The following SNUPN variants were observed in gnomAD, a reference collection of about 807,000 sequenced individuals.
SNUPN encodes snurportin-1.
Under a neutral mutation model 39.2 loss-of-function variants are expected in SNUPN, and 31 were observed. The observed-to-expected ratio is 0.79, with a 90% CI of 0.59 to 1.07. The LOEUF (loss-of-function observed/expected upper bound fraction) is 1.07, where lower values mean the gene tolerates loss of function less well. SNUPN is among the 50% of genes least tolerant of loss of function. The pLI is 0.00. For synonymous variants in SNUPN, 132 were observed against 159.0 expected, an observed-to-expected ratio of 0.83 and a Z score of 1.28; for missense variants, 382 against 434.2, an observed-to-expected ratio of 0.88 and a Z score of 1.07.
intron 3 of SNUPN, among the ~76,000 whole-genome samples, chr15:75,610,467 T>C (rs1478025087): frequency 1.8e-4 from 27 of 151,150 alleles, no homozygotes; most frequent in Admixed American, 1.6e-3. Flanking sequence ...CCATGTGCTC[T>C]AGGGAGTTGG....
intron 2 of SNUPN, among the ~76,000 whole-genome samples, chr15:75,619,556 C>A (rs890628052): frequency 6.6e-6 from 1 of 151,892 alleles, no homozygotes; most frequent in Non-Finnish European, 1.5e-5. Flanking sequence ...GTGGGAGGAT[C>A]ACCTGAGCCT....
intron 1 of SNUPN, among the ~76,000 whole-genome samples, chr15:75,621,756 C>T (rs1406556648): frequency 2.0e-5 from 3 of 152,028 alleles, no homozygotes; most frequent in South Asian, 2.1e-4. Flanking sequence ...ACCCCAAACT[C>T]GCCAGGCACG....
Position 75,620,960 on chromosome 15 carries a change from T to C in SNUPN, c.92A>G (p.Tyr31Cys), listed in dbSNP as rs761860029. The C allele has an allele frequency of 1.2e-6, 2 of 1,614,148 alleles. No homozygotes were observed. The highest frequency in any genetic ancestry group is 1.7e-6 in the Non-Finnish European group (2 of 1,179,990). ...TAAPHPRLSQ[Y>C]KSKYSSLEQS... The stretch of plus-strand genomic sequence containing the variant: ...CTCCAAGGAACTGTACTTGGACTTG[T>C]ACTGGGATAGGCGGGGGTGTGGGGC... The change falls in exon 2 of 9, where the codon TAC becomes TGC. Residue 31 changes from tyrosine to cysteine, a missense_variant. Physicochemically the swap from Tyr to Cys is radical, Grantham distance 194. Transcript: ENST00000308588.
intron 2 of SNUPN, 50 bp downstream of exon 2, chr15:75,620,844 T>C (rs770546838): frequency 2.6e-6 from 4 of 1,549,890 alleles, no homozygotes; most frequent in Non-Finnish European, 3.5e-6. Flanking sequence ...TCGGAATGGT[T>C]CATAGCTCCT....
chr15:75,624,838 T>C (rs1177539060), intron 1 of SNUPN: 4 of 662,180 alleles, frequency 6.0e-6, no homozygotes, highest in Non-Finnish European at 9.0e-6. Context: ...AGTGGCATGA[T>C]CTCGGCTCAC....
intron 7 of SNUPN, among the ~76,000 whole-genome samples, chr15:75,603,121 T>C (rs1001279218): frequency 2.7e-5 from 4 of 150,660 alleles, no homozygotes; most frequent in African/African-American, 9.8e-5. Context: ...CGATCTCGGC[T>C]AACTGCAAGC....
chr15:75,624,676 G>T, intron 1 of SNUPN: 1 of 1,168,124 alleles, frequency 8.6e-7, no homozygotes, highest in Non-Finnish European at 1.1e-6. Flanking sequence ...AAAAAAAAAA[G>T]AAAAACTGAT....
At chr15:75,613,755 G>T (rs1892860192) in intron 3 of SNUPN, among the ~76,000 whole-genome samples, 1 of 152,124 alleles carries the variant, frequency 6.6e-6, no homozygotes, top group Non-Finnish European at 1.5e-5. Flanking sequence ...CACTAGGATG[G>T]CTATATTTAA....
intron 3 of SNUPN, among the ~76,000 whole-genome samples, chr15:75,613,683 A>G (rs1368370171): frequency 2.0e-5 from 3 of 151,832 alleles, no homozygotes; most frequent in African/African-American, 4.8e-5. Context: ...GATGTTTAAC[A>G]TCATTAGTCA....
intron 3 of SNUPN, among the ~76,000 whole-genome samples, chr15:75,615,127 T>A (rs937260181): frequency 1.3e-5 from 2 of 152,152 alleles, no homozygotes; most frequent in African/African-American, 4.8e-5. Flanking sequence ...TTTTTATTTT[T>A]TATAGAAATG....
chr15:75,617,204 G>C (rs541664691), intron 3 of SNUPN, among the ~76,000 whole-genome samples: 1 of 152,342 alleles, frequency 6.6e-6, no homozygotes, highest in Admixed American at 6.5e-5. Flanking sequence ...TTCCATCAGT[G>C]ATTCCTAGTC....
chr15:75,624,292 C>G (rs755344448), intron 1 of SNUPN, among the ~76,000 whole-genome samples: 17 of 151,448 alleles, frequency 1.1e-4, no homozygotes, highest in Non-Finnish European at 1.9e-4. Flanking sequence ...AAATCCAAAG[C>G]ACCTTTATTA....
intron 7 of SNUPN, among the ~76,000 whole-genome samples, chr15:75,604,334 T>C (rs528958912): frequency 7.9e-5 from 12 of 152,152 alleles, no homozygotes; most frequent in East Asian, 7.7e-4. Flanking sequence ...CTAATTGTTT[T>C]TGTATTTAGT....
chr15:75,600,142 G>A (rs377118528), intron 8 of SNUPN, among the ~76,000 whole-genome samples: 8 of 151,728 alleles, frequency 5.3e-5, no homozygotes, highest in Non-Finnish European at 1.2e-4. Flanking sequence ...CACTGTGCCC[G>A]GCCAAGGCAG....
rs1335627335 is a variant in SNUPN at position 75,604,534 on chromosome 15, T to C, written c.678+616A>G. Reference sequence around the variant, plus strand: ...CAGGGCTAATAAAATGCCCTGAAAATAGCTGTCACATATTTAAATCACTGA... The same window carrying C: ...CAGGGCTAATAAAATGCCCTGAAAACAGCTGTCACATATTTAAATCACTGA... On this transcript the variant is annotated intron_variant, in intron 7 of 8. Transcript: ENST00000308588. Among the ~76,000 whole-genome samples the C allele has an allele frequency of 4.6e-5, 7 of 152,168 alleles. No individual in the cohort carries two copies. In the South Asian group the frequency reaches 1.2e-3, roughly 27 times the overall value.
chr15:75,605,258 A>C (rs751990818), intron 6 of SNUPN, 31 bp from the exon 7 acceptor site: 2 of 1,496,604 alleles, frequency 1.3e-6, no homozygotes, highest in East Asian at 4.5e-5. Flanking sequence ...AGAAAGATGA[A>C]ATACTTTCCA....
intron 8 of SNUPN, 99 bp from the exon 9 acceptor site, chr15:75,598,780 T>A: frequency 1.2e-6 from 1 of 833,938 alleles, no homozygotes; most frequent in Non-Finnish European, 1.9e-6. Flanking sequence ...GTCCGACTCC[T>A]TTTTCTGGGT....
At chr15:75,615,799 G>A (rs375803929) in intron 3 of SNUPN, among the ~76,000 whole-genome samples, 10 of 151,240 alleles carry the variant, frequency 6.6e-5, no homozygotes, top group African/African-American at 1.5e-4. Flanking sequence ...TAGTAGAGAC[G>A]GGGTTTCACC....
At chr15:75,612,193 C>T (rs931408650) in intron 3 of SNUPN, among the ~76,000 whole-genome samples, 4 of 152,070 alleles carry the variant, frequency 2.6e-5, no homozygotes, top group South Asian at 2.1e-4. Context: ...CCACTACGCC[C>T]GGCTCATTTT....
Sources: allele counts gnomAD v4.1 joint callset (sites outside exome capture counted in the v4.1 genomes callset), GRCh38; gene constraint gnomAD v4.1.1; transcripts MANE v1.5; gene names NCBI Gene and HGNC (gene_info 2026-07-23, HGNC 2026-07-21).